PPTC7: variants seen among roughly 807,000 people sequenced by gnomAD.
PPTC7 encodes the protein protein phosphatase PTC7 homolog.
Under a neutral mutation model 30.8 loss-of-function variants are expected in PPTC7, and 6 were observed. The observed-to-expected ratio is 0.19, with a 90% CI of 0.11 to 0.38. The LOEUF (loss-of-function observed/expected upper bound fraction) is 0.38. Among genes scored for constraint, PPTC7 ranks in the 10% least tolerant of loss-of-function variants. The probability of loss-of-function intolerance (pLI) is 1.00; values close to 1 mark genes in which losing one functional copy is unlikely to be tolerated. For missense variants in PPTC7, 218 were observed against 404.8 expected (o/e 0.54, Z 3.96); for synonymous variants, 163 against 168.1 (o/e 0.97, Z 0.23).
chr12:110,567,305 C>G (rs1414695011), intron 1 of PPTC7, among the ~76,000 whole-genome samples: 1 of 152,198 alleles, frequency 6.6e-6, no homozygotes, highest in Non-Finnish European at 1.5e-5. Context: ...CTAGGCCTCT[C>G]AGCACAGGCG....
chr12:110,545,939 G>A lies in PPTC7; in HGVS notation c.543C>T (p.Asn181=). 1 of 1,614,148 alleles carries A rather than the reference G, an allele frequency of 6.2e-7. No individual in the cohort carries two copies. Residue 181 remains asparagine (N), a synonymous_variant, in exon 3 of 6, where the codon AAC becomes AAT. Transcript: ENST00000354300. The stretch of plus-strand genomic sequence containing the variant: ...GAGCGATTGAGAGCTGGAATGGAGT[G>A]TTGAAGTAATGCTGCTGCTCATCTG... ...HRSDEQQHYF[N]TPFQLSIAPP... is the part of the protein sequence containing the mutation.
At chr12:110,563,146 AAAG>A (rs1555215143) in intron 1 of PPTC7, among the ~76,000 whole-genome samples, 59 of 148,852 alleles carry the variant, frequency 4.0e-4, no homozygotes, top group Middle Eastern at 3.4e-3. Flanking sequence ...AAAAAAAAAA[AAAG>A]AAGAAGAAGA....
intron 2 of PPTC7, 105 bp downstream of exon 2, chr12:110,551,684 G>A: frequency 9.6e-7 from 1 of 1,046,740 alleles, no homozygotes; most frequent in Non-Finnish European, 1.4e-6. Flanking sequence ...CTGCTTAGTA[G>A]GAAGAGCCTC....
intron 1 of PPTC7, among the ~76,000 whole-genome samples, chr12:110,579,283 G>T (rs1342549108): frequency 6.6e-6 from 1 of 152,158 alleles, no homozygotes. Context: ...CAAGACTGCC[G>T]TCCGGAAGAG....
rs555605651 is a variant in PPTC7 at position 110,570,214 on chromosome 12, T to A, written c.223+12595A>T. On this transcript the variant is annotated intron_variant, in intron 1 of 5. Transcript: ENST00000354300. The stretch of plus-strand genomic sequence containing the variant: ...AAACGTGTGCTGTGTCAACTCAGAG[T>A]TGAATGGATTAAGGGCGGTGCAGGA... Among the ~76,000 whole-genome samples the A allele has an allele frequency of 1.3e-3, 195 of 146,490 alleles. 1 individual carries two copies. The highest frequency in any genetic ancestry group is 8.9e-4 in the Non-Finnish European group (60 of 67,168).
chr12:110,542,229 A>G (rs766817005), intron 3 of PPTC7, among the ~76,000 whole-genome samples: 2 of 152,064 alleles, frequency 1.3e-5, no homozygotes, highest in African/African-American at 2.4e-5. Context: ...AAATTGGGGG[A>G]AAAAACTCTT....
chr12:110,538,351 G>C, intron 4 of PPTC7, 78 bp from the exon 5 acceptor site: 2 of 1,400,768 alleles, frequency 1.4e-6, no homozygotes, highest in Non-Finnish European at 2.0e-6. Context: ...TTTCCATCAT[G>C]TAAGTTTTAT....
chr12:110,571,113 G>T (rs2064532065), intron 1 of PPTC7, among the ~76,000 whole-genome samples: 1 of 152,162 alleles, frequency 6.6e-6, no homozygotes, highest in African/African-American at 2.4e-5. Context: ...CAGCCTTACG[G>T]TAAGCTTGTG....
rs576526014 is a variant in PPTC7, at chr12:110,534,390, C to T, written c.*2647G>A. 7 of 151,938 alleles carry T rather than the reference C, an allele frequency of 4.6e-5. No homozygotes were observed. Among genetic ancestry groups the T allele is most frequent in the Non-Finnish European group, 1.0e-4 (7 of 67,996 alleles). The allele number at this position is 151,938 out of a possible 1,614,324, so 9.4% of individuals were successfully genotyped here. A position where few individuals can be genotyped will look rare whatever the true frequency, so the allele number is the denominator to read the frequency against. On this transcript the variant is annotated 3_prime_UTR_variant, in exon 6 of 6. Coordinates refer to ENST00000354300, the MANE Select transcript of PPTC7 (RefSeq NM_139283.2). ...TTTCTTTTGTTATAAAAGTCCATTA[C>T]ATGAGGCGTGTGTGTGTGTGTGTGT... is the stretch of plus-strand genomic sequence containing the variant.
At chr12:110,581,018 G>A (rs909320080) in intron 1 of PPTC7, among the ~76,000 whole-genome samples, 6 of 152,092 alleles carry the variant, frequency 3.9e-5, no homozygotes, top group Admixed American at 2.6e-4. Context: ...CCAAAGTGCT[G>A]GGATTATAGG....
intron 2 of PPTC7, among the ~76,000 whole-genome samples, chr12:110,550,613 C>T (rs955823170): frequency 6.6e-6 from 1 of 152,078 alleles, no homozygotes; most frequent in Admixed American, 6.6e-5. Context: ...TGAGCAGAAA[C>T]GTAATAATAC....
At chr12:110,537,413 A>G (rs2135757209) in intron 5 of PPTC7, among the ~76,000 whole-genome samples, 1 of 152,318 alleles carries the variant, frequency 6.6e-6, no homozygotes. Context: ...ACATGCTTCT[A>G]TACCCACAAT....
In PPTC7 at chr12:110,564,029, C is replaced by G. The variant is rs576375685; in HGVS notation, c.224-12061G>C. On this transcript the variant is annotated intron_variant, in intron 1 of 5. Coordinates refer to ENST00000354300, the MANE Select transcript of PPTC7 (RefSeq NM_139283.2). The stretch of plus-strand genomic sequence containing the variant: ...CTTAATGTGGAATTATCTATTCTGG[C>G]TCAACTGTGGCTTGGGAACTTGTGC... Among the ~76,000 whole-genome samples, 21 of 152,332 alleles carry G rather than the reference C, an allele frequency of 1.4e-4. 1 individual carries two copies. In the South Asian group the frequency reaches 4.4e-3, roughly 32 times the overall value.
At chr12:110,575,206 TAAC>T (rs2064578487) in intron 1 of PPTC7, among the ~76,000 whole-genome samples, 1 of 152,100 alleles carries the variant, frequency 6.6e-6, no homozygotes. Context: ...GATCAAAAGT[TAAC>T]AACTAATTTT....
intron 1 of PPTC7, among the ~76,000 whole-genome samples, chr12:110,553,183 C>T (rs564573015): frequency 2.0e-5 from 3 of 149,192 alleles, no homozygotes; most frequent in African/African-American, 7.3e-5. Context: ...AACTCCATCG[C>T]TCTGTCACCA....
At chr12:110,565,327 GCTCACTGCAAC>G (rs1482857674) in intron 1 of PPTC7, among the ~76,000 whole-genome samples, 1 of 151,752 alleles carries the variant, frequency 6.6e-6, no homozygotes, top group South Asian at 2.1e-4. Context: ...CATGAACTTG[GCTCACTGCAAC>G]CTCCGCCTCC....
intron 1 of PPTC7, among the ~76,000 whole-genome samples, chr12:110,574,449 T>G (rs1386643406): frequency 6.6e-6 from 1 of 152,082 alleles, no homozygotes; most frequent in African/African-American, 2.4e-5. Context: ...AAAAAAAGAA[T>G]GAAGCATTTT....
chr12:110,552,072 C>T, intron 1 of PPTC7, 104 bp from the exon 2 acceptor site: 1 of 842,804 alleles, frequency 1.2e-6, no homozygotes, highest in African/African-American at 1.7e-5. Flanking sequence ...CATGCTACTA[C>T]ATACATTCAC....
At chr12:110,540,321 C>CCCT (rs377082561) in intron 3 of PPTC7, among the ~76,000 whole-genome samples, 1,678 of 104,814 alleles carry the variant, frequency 0.016, 44 homozygotes, top group Non-Finnish European at 0.023. Context: ...CCCCCCCCGC[C>CCCT]TTTTTTTTTT....
Sources: allele counts gnomAD v4.1 joint callset (sites outside exome capture counted in the v4.1 genomes callset), GRCh38; gene constraint gnomAD v4.1.1; transcripts MANE v1.5; gene names NCBI Gene and HGNC (gene_info 2026-07-23, HGNC 2026-07-21).